Variants in AP1S2 observed in about 807,000 individuals in gnomAD.
AP1S2 encodes the protein AP-1 complex subunit sigma-2.
A neutral mutation model predicts 14.3 loss-of-function variants in AP1S2; 1 was observed. That is an observed-to-expected ratio of 0.07 (90% CI 0.02 to 0.33). AP1S2 has a LOEUF of 0.33. Ranked by LOEUF, AP1S2 falls within the 10% of genes least tolerant of loss-of-function variation. AP1S2 has a pLI of 0.99. For missense variants in AP1S2, 30 were observed against 117.7 expected, an observed-to-expected ratio of 0.25 and a Z score of 3.45; for synonymous variants, 30 against 40.5, an observed-to-expected ratio of 0.74 and a Z score of 0.99.
intron 4 of AP1S2, chrX:15,840,519 AGG>A (rs1434624761): frequency 1.0e-6 from 1 of 971,204 alleles, no homozygotes; most frequent in Non-Finnish European, 1.3e-6. Flanking sequence ...TGGGGATCAA[AGG>A]GACTAAAGCC....
At position 15,854,799 on chromosome X, in the gene AP1S2, A is replaced by G. The variant is rs1407651645; in HGVS notation, c.-112T>C. 1.3e-6 allele frequency: 1 copy of G among 795,478 alleles called. No individual in the cohort carries two copies. Among genetic ancestry groups the G allele is most frequent in the East Asian group, 1.4e-4 (1 of 7,215 alleles). 65.6% of individuals were successfully genotyped at this position (795,478 alleles called of 1,213,427 possible). Reference sequence around the variant, plus strand: ...GAGAAGCCGTGGTGCTGTGGGGAGGACACCCGGCTGGCATAGGGCAGGCTT... The same window carrying G: ...GAGAAGCCGTGGTGCTGTGGGGAGGGCACCCGGCTGGCATAGGGCAGGCTT... On this transcript the variant is annotated 5_prime_UTR_variant, in exon 1 of 6. Transcript: ENST00000672987.
In AP1S2 at chrX:15,844,735, A is replaced by G. The variant is rs146015714; in HGVS notation, c.426+644T>C. On this transcript the variant is annotated intron_variant, in intron 4 of 5. Transcript: ENST00000672987. ...CAAGATGACTATGGTAATTAGAAAG[A>G]AAAGGGAGTTACACATCTGGGGATA... Among the ~76,000 whole-genome samples the G allele has an allele frequency of 1.7e-3, 191 of 112,455 alleles. 1 individual carries two copies. The highest frequency in any genetic ancestry group is 5.9e-3 in the African/African-American group (184 of 30,977).
chrX:15,826,886 CTTT>C lies in AP1S2; in HGVS notation c.*436_*438del, dbSNP rs35656473. On this transcript the variant is annotated 3_prime_UTR_variant, in exon 6 of 6. Transcript: ENST00000672987. ...ATTTGATATGTGACATGTCAATTCCCTTTTTTTTTTTTTTTACATATGCTGAAA... is the reference window on the plus strand; with the variant it reads ...ATTTGATATGTGACATGTCAATTCCCTTTTTTTTTTTTACATATGCTGAAA... 14 of 97,785 alleles carry C rather than the reference CTTT, an allele frequency of 1.4e-4. No individual in the cohort carries two copies. Among genetic ancestry groups the C allele is most frequent in the South Asian group, 4.6e-4 (1 of 2,170 alleles). 8.1% of individuals were successfully genotyped at this position (97,785 alleles called of 1,213,427 possible). A position where few individuals can be genotyped will look rare whatever the true frequency, so the allele number is the denominator to read the frequency against.
At position 15,854,275 on chromosome X, in the gene AP1S2, C is replaced by G. The variant is rs186308344; in HGVS notation, c.-1+413G>C. Among the ~76,000 whole-genome samples, 988 of 111,665 alleles carry G rather than the reference C, an allele frequency of 8.8e-3. 7 individuals carry two copies. Among genetic ancestry groups the G allele is most frequent in the Non-Finnish European group, 0.015 (810 of 52,862 alleles). ...CCGGCCGTCGCCGGTGCCTCCCCCC[C>G]ACTCCCGTGGCCACACTCCATCACT... On this transcript the variant is annotated intron_variant, in intron 1 of 5. Transcript: ENST00000672987.
chrX:15,847,632 CCT>C (rs1934040728), intron 2 of AP1S2, among the ~76,000 whole-genome samples: 2 of 111,875 alleles, frequency 1.8e-5, no homozygotes, highest in African/African-American at 6.5e-5. Flanking sequence ...CAAAGTGCTC[CCT>C]CTCTTTCCCA....
intron 4 of AP1S2, chrX:15,833,496 A>T: frequency 1.1e-6 from 1 of 870,430 alleles, no homozygotes; most frequent in Non-Finnish European, 1.4e-6. Flanking sequence ...TCTTCACTGG[A>T]AAAACATCCT....
intron 4 of AP1S2, among the ~76,000 whole-genome samples, chrX:15,836,429 G>A (rs983504562): frequency 1.8e-5 from 2 of 112,132 alleles, no homozygotes; most frequent in African/African-American, 6.5e-5. Context: ...TTTCTATTGT[G>A]CTGTTGATCT....
rs1161066866 is a variant in AP1S2 at position 15,834,439 on chromosome X, AATATATATATATATATATATATATAT to A, written c.427-6265_427-6240del. Among the ~76,000 whole-genome samples, 25 of 25,134 alleles carry A rather than the reference AATATATATATATATATATATATATAT, an allele frequency of 9.9e-4. 1 individual carries two copies. The highest frequency in any genetic ancestry group is 1.3e-3 in the Non-Finnish European group (18 of 13,897). The allele number at this position is 25,134 out of a possible 115,157, so 21.8% of individuals were successfully genotyped here. A position where few individuals can be genotyped will look rare whatever the true frequency, so the allele number is the denominator to read the frequency against. On this transcript the variant is annotated intron_variant, in intron 4 of 5. Coordinates refer to ENST00000672987, the MANE Select transcript of AP1S2 (RefSeq NM_001272071.2). Reference sequence around the variant, plus strand: ...ATTCCACTCCCATTCTCCCTTCCAAAATATATATATATATATATATATATATATATATATATATATAATTTTTTTTT... The same window carrying A: ...ATTCCACTCCCATTCTCCCTTCCAAAATATATATATATATAATTTTTTTTT...
intron 4 of AP1S2, among the ~76,000 whole-genome samples, chrX:15,839,509 G>A (rs748019352): frequency 1.4e-4 from 14 of 100,963 alleles, no homozygotes; most frequent in Non-Finnish European, 2.4e-4. Flanking sequence ...GCAAAGTTTC[G>A]TTCTGTGGCC....
intron 2 of AP1S2, among the ~76,000 whole-genome samples, chrX:15,846,714 G>C (rs1184340625): frequency 1.8e-5 from 2 of 112,123 alleles, no homozygotes; most frequent in Admixed American, 9.5e-5. Flanking sequence ...ACAGCTCCAC[G>C]TTATTACAGA....
chrX:15,842,956 G>A (rs780051708), intron 4 of AP1S2, among the ~76,000 whole-genome samples: 61 of 106,383 alleles, frequency 5.7e-4, no homozygotes, highest in African/African-American at 1.9e-3. Context: ...AACACAGGAA[G>A]CGGAGGTTGC....
At chrX:15,830,268 G>A in intron 4 of AP1S2, 12 of 748,605 alleles carry the variant, frequency 1.6e-5, no homozygotes, top group African/African-American at 2.3e-5. Context: ...AGGAGGAAAG[G>A]AGGGGAAAAA....
intron 4 of AP1S2, among the ~76,000 whole-genome samples, chrX:15,836,049 T>C (rs778337435): frequency 7.1e-5 from 8 of 111,917 alleles, no homozygotes; most frequent in Admixed American, 1.9e-4. Flanking sequence ...ATCTCATTTC[T>C]TTTACAGCTA....
At chrX:15,834,453 T>TATATATATAC (rs1348686679) in intron 4 of AP1S2, among the ~76,000 whole-genome samples, 5 of 29,268 alleles carry the variant, frequency 1.7e-4, no homozygotes, top group Non-Finnish European at 2.9e-4. Context: ...TATATATATA[T>TATATATATAC]ATATATATAT....
In AP1S2 at chrX:15,826,837, A is replaced by AAAG. The variant is rs1252343919; in HGVS notation, c.*485_*487dup. ...AGTCTTTGGAGTAAATTTGCTTTTT[A>AAAG]AAGTTTCAACAAAGTTTCCATTCAT... On this transcript the variant is annotated 3_prime_UTR_variant, in exon 6 of 6. Transcript: ENST00000672987. 3.7e-5 allele frequency: 4 copies of AAAG among 109,531 alleles called. No homozygotes were observed. In the East Asian group the frequency reaches 1.1e-3, roughly 31 times the overall value. The allele number at this position is 109,531 out of a possible 1,213,427, so 9.0% of individuals were successfully genotyped here.
At chrX:15,854,663 C>T (rs1024543236) in intron 1 of AP1S2, 25 bp downstream of exon 1, 17 of 653,486 alleles carry the variant, frequency 2.6e-5, no homozygotes, top group Non-Finnish European at 2.6e-5. Context: ...ATCCCCGGCG[C>T]CCCCTTTCGC....
intron 4 of AP1S2, chrX:15,840,570 C>T (rs1933797907): frequency 3.1e-6 from 3 of 976,117 alleles, no homozygotes; most frequent in Non-Finnish European, 4.0e-6. Flanking sequence ...TCAGACAAAC[C>T]TCCCCATTCT....
At chrX:15,833,030 TTAA>T (rs1289652383) in intron 4 of AP1S2, 1 of 1,100,252 alleles carries the variant, frequency 9.1e-7, no homozygotes, top group Non-Finnish European at 1.2e-6. Context: ...CAAGAAAAGT[TTAA>T]GTCTGTCAAA....
chrX:15,852,634 G>T, intron 1 of AP1S2, 110 bp from the exon 2 acceptor site: 1 of 731,815 alleles, frequency 1.4e-6, no homozygotes, highest in Non-Finnish European at 2.0e-6. Flanking sequence ...CATGACAAAT[G>T]ATTAGTAGCC....
Sources: allele counts gnomAD v4.1 joint callset (sites outside exome capture counted in the v4.1 genomes callset), GRCh38; gene constraint gnomAD v4.1.1; transcripts MANE v1.5; gene names NCBI Gene and HGNC (gene_info 2026-07-23, HGNC 2026-07-21).